Variants in CENPI observed in about 807,000 individuals in gnomAD.
CENPI encodes the protein centromere protein I.
CENPI carries 4 observed loss-of-function variants against 60.4 expected under a neutral mutation model. The observed-to-expected ratio is 0.07, with a 90% CI of 0.03 to 0.15. The LOEUF (loss-of-function observed/expected upper bound fraction) is 0.15. Among genes scored for constraint, CENPI ranks in the 10% least tolerant of loss-of-function variants. The pLI is 1.00. For synonymous variants in CENPI, 157 were observed against 189.4 expected (o/e 0.83, Z 1.40); for missense variants, 444 against 534.5 (o/e 0.83, Z 1.67).
rs752565875 is a variant in CENPI at position 101,154,704 on chromosome X, C to T, written c.2094+6543C>T. Among the ~76,000 whole-genome samples, 3 of 111,991 alleles carry T rather than the reference C, an allele frequency of 2.7e-5. No individual in the cohort carries two copies. The South Asian group carries it at 1.1e-3, about 41-fold the overall frequency. On this transcript the variant is annotated intron_variant, in intron 20 of 21. Coordinates refer to ENST00000682095, the MANE Select transcript of CENPI (RefSeq NM_001386188.2). ...ATTAAGTCTTCCAATGCATGAACAT[C>T]ATATGTCATTCCATTTATGTAGGTC...
chrX:101,156,724 C>T (rs1031030287), intron 20 of CENPI, among the ~76,000 whole-genome samples: 1 of 101,317 alleles, frequency 9.9e-6, no homozygotes, highest in African/African-American at 3.7e-5. Context: ...CAGCTTAGCT[C>T]CCACTTATGA....
intron 15 of CENPI, among the ~76,000 whole-genome samples, chrX:101,138,239 C>T (rs112085756): frequency 3.7e-5 from 4 of 107,633 alleles, no homozygotes; most frequent in African/African-American, 1.4e-4. Context: ...CCGCCCGCCT[C>T]GGCCTCCCGA....
intron 15 of CENPI, among the ~76,000 whole-genome samples, chrX:101,135,243 T>C (rs756461105): frequency 9.0e-6 from 1 of 110,739 alleles, no homozygotes; most frequent in African/African-American, 3.3e-5. Flanking sequence ...GAAGGTTATT[T>C]GATTCAAAGT....
chrX:101,126,658 C>T (rs1215236093), intron 8 of CENPI, 51 bp from the exon 9 acceptor site: 2 of 968,190 alleles, frequency 2.1e-6, no homozygotes, highest in East Asian at 3.1e-5. Flanking sequence ...TTTGTTTCCT[C>T]AGTTTCTTAA....
the CENPI span, among the ~76,000 whole-genome samples, chrX:101,175,682 G>T: frequency 1.8e-5 from 2 of 111,541 alleles, no homozygotes; most frequent in Non-Finnish European, 3.8e-5. Context: ...CATAATATTT[G>T]TACATACTTA....
chrX:101,110,332 C>T (rs1020387340), intron 6 of CENPI, among the ~76,000 whole-genome samples: 3 of 111,966 alleles, frequency 2.7e-5, no homozygotes, highest in African/African-American at 9.7e-5. Flanking sequence ...TCATTGCCAT[C>T]TTTTCCCTTT....
intron 8 of CENPI, among the ~76,000 whole-genome samples, chrX:101,121,377 G>A (rs1375988453): frequency 9.0e-6 from 1 of 110,587 alleles, no homozygotes; most frequent in Non-Finnish European, 1.9e-5. Flanking sequence ...TGCAACCTCC[G>A]CCTCCTGGGT....
chrX:101,118,204 T>C (rs1397057468), intron 6 of CENPI, among the ~76,000 whole-genome samples: 1 of 111,203 alleles, frequency 9.0e-6, no homozygotes, highest in African/African-American at 3.3e-5. Context: ...GGTAGTAAAG[T>C]TGGGTGAACT....
chrX:101,147,767 C>G lies in CENPI; in HGVS notation c.1831C>G (p.Arg611Gly). Residue 611 changes from arginine to glycine, a missense_variant, in exon 19 of 22, where the codon CGT (arginine) becomes GGT (glycine). Transcript: ENST00000682095. ...NQLCFIMHRY[R>G]KNLTAAKKNE... is the part of the protein sequence containing the mutation. The stretch of plus-strand genomic sequence containing the variant: ...TCTGTTTGTTTTTTCTGTTAGATAT[C>G]GTAAAAATTTGACTGCCGCAAAGAA... 8.4e-7 allele frequency: 1 copy of G among 1,197,484 alleles called. No homozygotes were observed. Among genetic ancestry groups the G allele is most frequent in the East Asian group, 3.0e-5 (1 of 33,614 alleles).
chrX:101,109,723 G>T, intron 5 of CENPI, 132 bp downstream of exon 5: 2 of 571,380 alleles, frequency 3.5e-6, no homozygotes, highest in South Asian at 5.6e-5. Context: ...ATATCTTGAT[G>T]CAAGGACTAT....
intron 20 of CENPI, among the ~76,000 whole-genome samples, chrX:101,151,783 G>A (rs1332358177): frequency 1.9e-5 from 2 of 102,996 alleles, no homozygotes; most frequent in South Asian, 4.7e-4. Flanking sequence ...GCAGTGAGCC[G>A]AGATGGCACC....
chrX:101,148,569 T>C (rs1402315283), intron 20 of CENPI, among the ~76,000 whole-genome samples: 7 of 112,144 alleles, frequency 6.2e-5, no homozygotes, highest in African/African-American at 2.3e-4. Context: ...TAGTTAATAG[T>C]ACAATTAGAG....
Position 101,161,315 on chromosome X carries a change from C to G in CENPI, c.2095-213C>G, listed in dbSNP as rs1467581124. On this transcript the variant is annotated intron_variant, in intron 20 of 21. Transcript: ENST00000682095. The stretch of plus-strand genomic sequence containing the variant: ...GTTTTACATAGTTTAAGAGTTTTCA[C>G]TTAGCAATAATTTTTAAAATGTTAT... Among the ~76,000 whole-genome samples the G allele has an allele frequency of 4.5e-5, 5 of 112,091 alleles. No homozygotes were observed. The East Asian group carries it at 1.4e-3, about 31-fold the overall frequency.
At position 101,109,927 on chromosome X, in the gene CENPI, T is replaced by A. The variant is rs143509453; in HGVS notation, c.520T>A (p.Phe174Ile). 5 of 1,205,932 alleles carry A rather than the reference T, an allele frequency of 4.1e-6. No homozygotes were observed. Among genetic ancestry groups the A allele is most frequent in the Non-Finnish European group, 4.5e-6 (4 of 892,057 alleles). The change falls in exon 6 of 22, where the codon TTC (phenylalanine) becomes ATC (isoleucine). Residue 174 changes from phenylalanine (F) to isoleucine (I), a missense_variant. By Grantham distance (21) the Phe-to-Ile change is conservative. Transcript: ENST00000682095. ...TCGTTGGCTGGTTGCAATGTTTGAC[T>A]TCATTGATCGTAAGGAGCAAATTAA... ...FYRWLVAMFD[F>I]IDRKEQINLL...
chrX:101,127,185 C>T lies in CENPI; in HGVS notation c.825C>T (p.Ala275=), dbSNP rs142782162. ...ATCTATGGAAGACGGCTCTGCTTGC[C>T]GTGAAGCAAAGAAACCGGGGACCTT... is the stretch of plus-strand genomic sequence containing the variant. The part of the protein sequence containing the change: ...SENLWKTALL[A]VKQRNRGPSP... The change falls in exon 10 of 22, where the codon GCC becomes GCT. Residue 275 remains alanine, a synonymous_variant. Coordinates refer to ENST00000682095, the MANE Select transcript of CENPI (RefSeq NM_001386188.2). The T allele has an allele frequency of 5.3e-5, 63 of 1,189,629 alleles. No homozygotes were observed. In the African/African-American group the frequency reaches 5.7e-4, roughly 11 times the overall value.
chrX:101,110,126 G>T (rs751244904), intron 6 of CENPI, 128 bp downstream of exon 6: 4 of 373,059 alleles, frequency 1.1e-5, no homozygotes, highest in African/African-American at 1.0e-4. Context: ...CAAACATATA[G>T]AAATGTACCA....
intron 20 of CENPI, among the ~76,000 whole-genome samples, chrX:101,158,314 G>A (rs1284193367): frequency 5.9e-5 from 4 of 67,781 alleles, no homozygotes; most frequent in Non-Finnish European, 1.0e-4. Context: ...TTTTGCTCTT[G>A]TTGCCCAGGC....
At chrX:101,100,813 A>G (rs775646960) in intron 2 of CENPI, 371 of 349,233 alleles carry the variant, frequency 1.1e-3, no homozygotes, top group Non-Finnish European at 1.6e-3. Context: ...GGTTTTTTCC[A>G]CTAGAAAGCT....
Position 101,163,570 on chromosome X carries a change from G to C in CENPI, c.*603G>C, listed in dbSNP as rs566203123. The C allele has an allele frequency of 6.1e-5, 7 of 114,446 alleles. No individual in the cohort carries two copies. Among genetic ancestry groups the C allele is most frequent in the Middle Eastern group, 4.4e-3 (1 of 225 alleles). The allele number at this position is 114,446 out of a possible 1,213,427, so 9.4% of individuals were successfully genotyped here. A position where few individuals can be genotyped will look rare whatever the true frequency, so the allele number is the denominator to read the frequency against. ...TGATTTCATGGAACTGCTCTATTTT[G>C]TTTGTGTGTATTGTATATGTATATG... On this transcript the variant is annotated 3_prime_UTR_variant, in exon 22 of 22. Transcript: ENST00000682095.
Sources: allele counts gnomAD v4.1 joint callset (sites outside exome capture counted in the v4.1 genomes callset), GRCh38; gene constraint gnomAD v4.1.1; transcripts MANE v1.5; gene names NCBI Gene and HGNC (gene_info 2026-07-23, HGNC 2026-07-21).